PKM: variants seen among roughly 807,000 people sequenced by gnomAD.
The protein encoded by PKM is pyruvate kinase PKM.
Under a neutral mutation model 49.8 loss-of-function variants are expected in PKM, and 18 were observed. That is an observed-to-expected ratio of 0.36 (90% CI 0.25 to 0.54). The LOEUF is 0.54. PKM is among the 20% of genes least tolerant of loss of function. The probability of loss-of-function intolerance (pLI) is 0.89; values close to 1 mark genes in which losing one functional copy is unlikely to be tolerated. For synonymous variants in PKM, 239 were observed against 261.8 expected, an observed-to-expected ratio of 0.91 and a Z score of 0.84; for missense variants, 508 against 713.8, an observed-to-expected ratio of 0.71 and a Z score of 3.28.
In PKM at chr15:72,209,870, G is replaced by C. The variant is rs752653658; in HGVS notation, c.379-11C>G. 5 of 1,613,332 alleles carry C rather than the reference G, an allele frequency of 3.1e-6. No individual in the cohort carries two copies. The highest frequency in any genetic ancestry group is 3.4e-6 in the Non-Finnish European group (4 of 1,179,332). ...CTCTGCAGTGCCGCTCTAGGGACAAGAGAGTAAGCAAGAGTCCAAACTGGA... is the reference window on the plus strand; with the variant it reads ...CTCTGCAGTGCCGCTCTAGGGACAACAGAGTAAGCAAGAGTCCAAACTGGA... On this transcript the variant is annotated splice_polypyrimidine_tract_variant and intron_variant, in intron 4 of 10. Transcript: ENST00000335181.
intron 1 of PKM, chr15:72,228,780 T>A (rs2082759932): frequency 2.5e-6 from 1 of 400,320 alleles, no homozygotes; most frequent in Admixed American, 3.3e-5. Context: ...CTGACCTCCA[T>A]CTCCTCTGTG....
rs1364717610 is a variant in PKM at position 72,231,020 on chromosome 15, T to C, written c.-14+96A>G. 4.1e-6 allele frequency: 5 copies of C among 1,212,118 alleles called. No homozygotes were observed. The South Asian group carries it at 5.0e-5, about 12-fold the overall frequency. 75.1% of individuals were successfully genotyped at this position (1,212,118 alleles called of 1,614,324 possible). On this transcript the variant is annotated intron_variant, in intron 1 of 10. Transcript: ENST00000335181. ...GCCCTGGATCCTGCGCCGCCCTGCC[T>C]GCGTGCCCGGGGCCGGCCGGCGCGC... is the stretch of plus-strand genomic sequence containing the variant.
chr15:72,220,008 A>G (rs2082480201), intron 1 of PKM, among the ~76,000 whole-genome samples: 1 of 152,176 alleles, frequency 6.6e-6, no homozygotes, highest in Non-Finnish European at 1.5e-5. Context: ...TTCATTAATG[A>G]CTTACAACTA....
chr15:72,227,419 G>A (rs1017691744), intron 1 of PKM, among the ~76,000 whole-genome samples: 9 of 152,114 alleles, frequency 5.9e-5, no homozygotes, highest in Non-Finnish European at 4.4e-5. Context: ...TTAGCTCTTG[G>A]CCAAGATAAC....
intron 8 of PKM, chr15:72,204,421 T>C (rs2856929): frequency 0.22 from 33,308 of 152,146 alleles, 3,887 homozygotes; most frequent in East Asian, 0.42. Flanking sequence ...AGAAAGGATA[T>C]GGAATTTAGA....
At chr15:72,209,967 T>A (rs1176873046) in intron 4 of PKM, 108 bp from the exon 5 acceptor site, 2 of 920,464 alleles carry the variant, frequency 2.2e-6, no homozygotes, top group Non-Finnish European at 1.8e-6. Context: ...CTCAAGTCAC[T>A]GCTAAAAGTA....
At chr15:72,221,093 T>G in intron 1 of PKM, 1 of 816,228 alleles carries the variant, frequency 1.2e-6, no homozygotes, top group Non-Finnish European at 2.0e-6. Flanking sequence ...AACCATCAGC[T>G]GGCTCTTCTT....
chr15:72,219,246 A>G (rs956781485), intron 1 of PKM, 136 bp from the exon 2 acceptor site: 33 of 757,796 alleles, frequency 4.4e-5, no homozygotes, highest in Non-Finnish European at 6.3e-5. Context: ...GAAGCCAGAC[A>G]TGATCTGGTT....
chr15:72,230,853 A>G, intron 1 of PKM: 7 of 1,069,936 alleles, frequency 6.5e-6, no homozygotes, highest in Non-Finnish European at 8.8e-6. Context: ...GGATGGGACC[A>G]GAATGAGGGG....
chr15:72,200,338 C>G lies in PKM; in HGVS notation c.1489+136G>C. 7.9e-6 allele frequency: 6 copies of G among 759,206 alleles called. No individual in the cohort carries two copies. The highest frequency in any genetic ancestry group is 2.7e-5 in the East Asian group (1 of 37,560). The allele number at this position is 759,206 out of a possible 1,614,324, so 47.0% of individuals were successfully genotyped here. On this transcript the variant is annotated intron_variant, in intron 10 of 10. Coordinates refer to ENST00000335181, the MANE Select transcript of PKM (RefSeq NM_002654.6). The surrounding 1 kb of genome is among the most constrained non-coding windows in gnomAD (Gnocchi z 4.6). The stretch of plus-strand genomic sequence containing the variant: ...GAACATTCCCAATAAGGGAGAGGAA[C>G]AGTCGCTGGGCCTTTTGCCCCACTA...
chr15:72,215,076 C>G (rs1450636548), intron 3 of PKM, among the ~76,000 whole-genome samples: 2 of 152,192 alleles, frequency 1.3e-5, no homozygotes, highest in Admixed American at 1.3e-4. Context: ...TGGCACAGGT[C>G]TGTAATCCCA....
intron 1 of PKM, chr15:72,228,558 A>G (rs576482933): frequency 7.5e-4 from 732 of 970,000 alleles, no homozygotes; most frequent in Non-Finnish European, 1.0e-3. Flanking sequence ...AAGAACCACA[A>G]TGTAGTTTCC....
chr15:72,229,422 TGACAAC>T, intron 1 of PKM: 1 of 490,948 alleles, frequency 2.0e-6, no homozygotes, highest in Admixed American at 2.4e-5. Context: ...AACGCCTTTT[TGACAAC>T]TTCCCAATGT....
rs2445733 is a variant in PKM, at chr15:72,202,964, A to G, written c.1141-344T>C. 1 of 1,549,074 alleles carries G rather than the reference A, an allele frequency of 6.5e-7. No individual in the cohort carries two copies. The highest frequency in any genetic ancestry group is 8.9e-7 in the Non-Finnish European group (1 of 1,124,478). ...GTTGGGCCTGGCTGTCTTCTCCTAG[A>G]GCAGGTGGAGCAAGAGGCTGGTTAT... On this transcript the variant is annotated intron_variant, in intron 8 of 10. Transcript: ENST00000335181. This position sits in a 1 kb window ranked among gnomAD's most constrained non-coding sequence, Gnocchi z 4.5.
chr15:72,218,514 T>C (rs2082432261), intron 2 of PKM, among the ~76,000 whole-genome samples: 1 of 151,920 alleles, frequency 6.6e-6, no homozygotes, highest in Non-Finnish European at 1.5e-5. Flanking sequence ...TTCAATCTCC[T>C]GGACTCAAGT....
intron 1 of PKM, among the ~76,000 whole-genome samples, chr15:72,223,627 C>T (rs2082585392): frequency 6.6e-6 from 1 of 152,146 alleles, no homozygotes; most frequent in African/African-American, 2.4e-5. Context: ...TAAGATTTGC[C>T]CTAATCAAAC....
At chr15:72,217,811 C>A (rs889166178) in intron 2 of PKM, among the ~76,000 whole-genome samples, 2 of 152,232 alleles carry the variant, frequency 1.3e-5, no homozygotes, top group African/African-American at 4.8e-5. Context: ...ATCTTGGTAG[C>A]ACAGAACATG....
In PKM at chr15:72,212,686, T is replaced by C. The variant is rs1430966250; in HGVS notation, c.247-2208A>G. Among the ~76,000 whole-genome samples the C allele has an allele frequency of 3.3e-5, 5 of 152,294 alleles. No homozygotes were observed. In the East Asian group the frequency reaches 9.6e-4, roughly 29 times the overall value. ...GAGTTCCACTACAGCTGTGGCTTTG[T>C]TGGGATGTTATCACGTGGATAAGAG... On this transcript the variant is annotated intron_variant, in intron 3 of 10. Coordinates refer to ENST00000335181, the MANE Select transcript of PKM (RefSeq NM_002654.6).
Position 72,207,068 on chromosome 15 carries a change from C to A in PKM, c.987+59G>T. On this transcript the variant is annotated intron_variant, in intron 7 of 10. Coordinates refer to ENST00000335181, the MANE Select transcript of PKM (RefSeq NM_002654.6). Reference sequence around the variant, plus strand: ...GGAAGAGATCAGACAGCCTCCAGAGCTTTCCCATACAAACATGCGAGTGTG... The same window carrying A: ...GGAAGAGATCAGACAGCCTCCAGAGATTTCCCATACAAACATGCGAGTGTG... 1.9e-6 allele frequency: 3 copies of A among 1,598,088 alleles called. 1 individual carries two copies. The highest frequency in any genetic ancestry group is 2.2e-5 in the South Asian group (2 of 90,688).
Sources: allele counts gnomAD v4.1 joint callset (sites outside exome capture counted in the v4.1 genomes callset), GRCh38; gene constraint gnomAD v4.1.1; non-coding constraint Gnocchi (gnomAD v3.1); transcripts MANE v1.5; gene names NCBI Gene and HGNC (gene_info 2026-07-23, HGNC 2026-07-21).